ASIC2: variants seen among roughly 807,000 people sequenced by gnomAD.
The protein encoded by ASIC2 is acid-sensing ion channel 2.
In ASIC2, 25 loss-of-function variants were observed where a neutral mutation model predicts 57.3. The observed-to-expected ratio is 0.44, with a 90% CI of 0.32 to 0.61. The LOEUF is 0.61. ASIC2 is among the 20% of genes least tolerant of loss of function. The pLI is 0.06. For missense variants in ASIC2, 641 were observed against 738.1 expected (o/e 0.87, Z 1.52); for synonymous variants, 319 against 307.5 (o/e 1.04, Z -0.39).
At chr17:33,162,439 A>T (rs1241762672) in intron 1 of ASIC2, among the ~76,000 whole-genome samples, 1 of 152,178 alleles carries the variant, frequency 6.6e-6, no homozygotes, top group East Asian at 1.9e-4. Context: ...CAAAATTCCT[A>T]AACAAGCAAC....
intron 1 of ASIC2, among the ~76,000 whole-genome samples, chr17:34,023,003 C>G (rs1227858381): frequency 1.3e-5 from 2 of 152,066 alleles, no homozygotes; most frequent in African/African-American, 4.8e-5. Flanking sequence ...TCTCTGGCCA[C>G]GTAAGACATG....
intron 1 of ASIC2, chr17:34,071,925 T>G (rs1422168766): frequency 1.3e-5 from 2 of 152,008 alleles, no homozygotes; most frequent in Admixed American, 1.3e-4. Flanking sequence ...AGTGGAAGGA[T>G]GAAGGTTGTC....
At chr17:33,792,212 G>A (rs1490837260) in intron 1 of ASIC2, 1 of 152,242 alleles carries the variant, frequency 6.6e-6, no homozygotes, top group Non-Finnish European at 1.5e-5. Context: ...TAACCCAGTG[G>A]GTAGTGGTGG....
chr17:33,566,448 C>T (rs945164024), intron 1 of ASIC2, among the ~76,000 whole-genome samples: 2 of 152,184 alleles, frequency 1.3e-5, no homozygotes, highest in African/African-American at 2.4e-5. Context: ...GCTGTCCATA[C>T]ATTGTGGCTG....
chr17:33,447,234 C>T (rs905752), intron 1 of ASIC2, among the ~76,000 whole-genome samples: 53,155 of 151,792 alleles, frequency 0.35, 9,375 homozygotes, highest in Middle Eastern at 0.44. Flanking sequence ...GGTGGGTGGC[C>T]GGACCTGATG....
chr17:33,072,408 G>T (rs2092072857), intron 3 of ASIC2, among the ~76,000 whole-genome samples: 1 of 152,190 alleles, frequency 6.6e-6, no homozygotes, highest in Admixed American at 6.5e-5. Context: ...AGCCTCCACT[G>T]CCATCATTCG....
At chr17:33,816,074 G>C (rs1455586753) in intron 1 of ASIC2, among the ~76,000 whole-genome samples, 1 of 150,748 alleles carries the variant, frequency 6.6e-6, no homozygotes, top group African/African-American at 2.4e-5. Context: ...TGTGGGAACA[G>C]AGAGGAGAGG....
chr17:33,668,272 CTTTTTTTTTTTTTTTT>C (rs397856474), intron 1 of ASIC2, among the ~76,000 whole-genome samples: 4 of 61,388 alleles, frequency 6.5e-5, no homozygotes, highest in East Asian at 4.4e-4. Context: ...ATCAAATGTT[CTTTTTTTTTTTTTTTT>C]TTTTTTTTTT....
chr17:33,704,618 A>G (rs1016900241), intron 1 of ASIC2, among the ~76,000 whole-genome samples: 3 of 152,220 alleles, frequency 2.0e-5, no homozygotes, highest in African/African-American at 7.2e-5. Flanking sequence ...CAGGATAAGA[A>G]CCAAGGTATC....
intron 1 of ASIC2, among the ~76,000 whole-genome samples, chr17:33,304,948 A>G (rs1906108552): frequency 6.6e-6 from 1 of 151,876 alleles, no homozygotes; most frequent in East Asian, 1.9e-4. Context: ...TCCATCTTTA[A>G]CTACGGTTCG....
At chr17:33,380,245 CAAAAAA>C (rs10586872) in intron 1 of ASIC2, among the ~76,000 whole-genome samples, 3 of 71,064 alleles carry the variant, frequency 4.2e-5, no homozygotes, top group African/African-American at 1.5e-4. Context: ...AACCCTGTCT[CAAAAAA>C]AAAAAAAAAA....
intron 1 of ASIC2, chr17:34,006,027 G>A (rs2142018063): frequency 6.6e-6 from 1 of 152,300 alleles, no homozygotes; most frequent in South Asian, 2.1e-4. Context: ...GTCCTCCTGG[G>A]GCTTATAGCC....
intron 1 of ASIC2, 164 bp from the exon 2 acceptor site, chr17:33,112,231 T>C: frequency 2.1e-6 from 2 of 935,002 alleles, no homozygotes; most frequent in Non-Finnish European, 3.1e-6. Context: ...GCTGTGGGCC[T>C]GACTTGTACC....
intron 1 of ASIC2, among the ~76,000 whole-genome samples, chr17:33,591,460 T>C (rs942770597): frequency 2.0e-5 from 3 of 152,136 alleles, no homozygotes; most frequent in Admixed American, 1.3e-4. Flanking sequence ...TCTGACCTTT[T>C]CTCAGTGCAA....
At chr17:33,742,984 A>G (rs1490918) in intron 1 of ASIC2, among the ~76,000 whole-genome samples, 20,705 of 152,166 alleles carry the variant, frequency 0.14, 1,727 homozygotes, top group African/African-American at 0.24. Flanking sequence ...GGTAAGTCCT[A>G]GTAACTTGCC....
intron 1 of ASIC2, among the ~76,000 whole-genome samples, chr17:33,391,786 T>C (rs976251553): frequency 6.6e-6 from 1 of 152,256 alleles, no homozygotes; most frequent in African/African-American, 2.4e-5. Context: ...ATTGAACTCA[T>C]ATATGTGCCA....
intron 1 of ASIC2, among the ~76,000 whole-genome samples, chr17:33,594,723 G>A (rs1963935296): frequency 6.6e-6 from 1 of 152,026 alleles, no homozygotes; most frequent in Non-Finnish European, 1.5e-5. Context: ...AGCTACTCGG[G>A]AGGCCGAGGC....
chr17:33,235,357 G>C (rs562417801), intron 1 of ASIC2, among the ~76,000 whole-genome samples: 1 of 152,310 alleles, frequency 6.6e-6, no homozygotes, highest in Middle Eastern at 3.4e-3. Flanking sequence ...GTTCTCTGGT[G>C]CTGGCAGTGT....
chr17:33,138,874 T>C (rs1017081004), intron 1 of ASIC2, among the ~76,000 whole-genome samples: 2 of 152,214 alleles, frequency 1.3e-5, no homozygotes, highest in African/African-American at 4.8e-5. Flanking sequence ...TGTCTCCAAG[T>C]CCAGGATCAC....
Sources: allele counts gnomAD v4.1 joint callset (sites outside exome capture counted in the v4.1 genomes callset), GRCh38; gene constraint gnomAD v4.1.1; transcripts MANE v1.5; gene names NCBI Gene and HGNC (gene_info 2026-07-23, HGNC 2026-07-21).